Variants in INTS12 observed in about 807,000 individuals in gnomAD.
INTS12 encodes the protein integrator complex subunit 12.
A neutral mutation model predicts 41.6 loss-of-function variants in INTS12; 13 were observed. That is an observed-to-expected ratio of 0.31 (90% confidence interval 0.20 to 0.50). The LOEUF (loss-of-function observed/expected upper bound fraction) is 0.50, where lower values mean the gene tolerates loss of function less well. Among genes scored for constraint, INTS12 ranks in the 20% least tolerant of loss-of-function variants. The pLI, the probability that INTS12 is intolerant of heterozygous loss-of-function variation, is 0.98. For missense variants in INTS12, 432 were observed against 541.6 expected (o/e 0.80, Z 2.01); for synonymous variants, 199 against 191.4 (o/e 1.04, Z -0.33).
intron 6 of INTS12, 30 bp downstream of exon 6, chr4:105,691,946 G>A (rs776835823): frequency 1.8e-5 from 26 of 1,473,810 alleles, no homozygotes; most frequent in Admixed American, 2.4e-5. Context: ...TTGACAGACT[G>A]TTTAAAATAA....
chr4:105,702,942 C>T (rs890908543), intron 2 of INTS12: 10 of 984,838 alleles, frequency 1.0e-5, no homozygotes, highest in African/African-American at 1.7e-5. Flanking sequence ...CCTTCCTTAC[C>T]GGCAAATATC....
rs758621387 is a variant in INTS12, at chr4:105,683,034, G to A, written c.1088C>T (p.Pro363Leu). ...AGTTTTACCCAAGGTTAGAGGTGGA[G>A]GTGGTTTTAAAGGTACAGTGGGCGT... Reference protein sequence around the residue: ...STTPTVPLKPPPPLTLGKTGL... With the variant: ...STTPTVPLKPLPPLTLGKTGL... The change falls in exon 8 of 8, where the codon CCT becomes CTT. Residue 363 changes from proline (P) to leucine (L), a missense_variant. Transcript: ENST00000340139. 6 of 1,614,016 alleles carry A rather than the reference G, an allele frequency of 3.7e-6. No homozygotes were observed. Among genetic ancestry groups the A allele is most frequent in the Middle Eastern group, 3.3e-4 (2 of 6,084 alleles).
chr4:105,693,977 T>C (rs895471979), intron 4 of INTS12, among the ~76,000 whole-genome samples: 7 of 152,346 alleles, frequency 4.6e-5, no homozygotes, highest in South Asian at 2.1e-4. Context: ...CTACTTTTGA[T>C]AGAAATTTGG....
chr4:105,707,458 T>C (rs186659839), intron 1 of INTS12, among the ~76,000 whole-genome samples: 2 of 152,238 alleles, frequency 1.3e-5, no homozygotes, highest in Non-Finnish European at 2.9e-5. Context: ...ATTACTGGAA[T>C]TAAGTGATCA....
intron 4 of INTS12, 145 bp downstream of exon 4, chr4:105,695,371 G>T: frequency 1.8e-6 from 1 of 566,916 alleles, no homozygotes. Context: ...AAAATCTATA[G>T]CTATCAATAT....
At chr4:105,694,796 T>C (rs1731802237) in intron 4 of INTS12, among the ~76,000 whole-genome samples, 1 of 152,228 alleles carries the variant, frequency 6.6e-6, no homozygotes, top group Non-Finnish European at 1.5e-5. Flanking sequence ...AAAATCTTAA[T>C]TACTATATGT....
At chr4:105,703,393 T>A (rs1163262150) in intron 2 of INTS12, among the ~76,000 whole-genome samples, 1 of 152,206 alleles carries the variant, frequency 6.6e-6, no homozygotes, top group Non-Finnish European at 1.5e-5. Context: ...CTGTGTCAAA[T>A]GCATATAGCA....
intron 7 of INTS12, among the ~76,000 whole-genome samples, chr4:105,683,761 C>A (rs1731407995): frequency 6.6e-6 from 1 of 151,862 alleles, no homozygotes; most frequent in Admixed American, 6.6e-5. Context: ...CCAGAATATT[C>A]AGGAGAACAT....
rs369456312 is a variant in INTS12 at position 105,693,471 on chromosome 4, T to G, written c.325A>C (p.Thr109Pro). The change falls in exon 5 of 8, where the codon ACT (threonine) becomes CCT (proline). Residue 109 changes from threonine to proline, a missense_variant. This residue lies in a region of INTS12 where 168 missense variants were observed against 198.9 expected (regional missense o/e 0.84). Coordinates refer to ENST00000340139, the MANE Select transcript of INTS12 (RefSeq NM_020395.4). ...RPADKMKSDI[T>P]EGVDIPKKPR... is the part of the protein sequence containing the mutation. ...TTCTTTGGAATATCAACTCCTTCAG[T>G]GATGTCTGATTTCATCTATAAAAAG... 6.2e-7 allele frequency: 1 copy of G among 1,611,838 alleles called. No individual in the cohort carries two copies. The highest frequency in any genetic ancestry group is 8.5e-7 in the Non-Finnish European group (1 of 1,178,262).
At chr4:105,695,439 G>A (rs1026303600) in intron 4 of INTS12, 77 bp downstream of exon 4, 1 of 1,053,742 alleles carries the variant, frequency 9.5e-7, no homozygotes, top group East Asian at 2.4e-5. Flanking sequence ...AAAAGAAATA[G>A]GCATAAAACA....
At chr4:105,685,674 A>AT (rs1212562426) in intron 7 of INTS12, among the ~76,000 whole-genome samples, 1 of 151,240 alleles carries the variant, frequency 6.6e-6, no homozygotes, top group Non-Finnish European at 1.5e-5. Flanking sequence ...TTTTTTTAAT[A>AT]TTTTTTCTTC....
chr4:105,689,657 C>A (rs1731616672), intron 6 of INTS12, among the ~76,000 whole-genome samples: 1 of 152,112 alleles, frequency 6.6e-6, no homozygotes, highest in East Asian at 1.9e-4. Context: ...AATCCCAGCA[C>A]TTTGGGAGGC....
At chr4:105,695,415 A>G in intron 4 of INTS12, 101 bp downstream of exon 4, 1 of 795,668 alleles carries the variant, frequency 1.3e-6, no homozygotes, top group Admixed American at 2.8e-5. Flanking sequence ...ATATACCTAT[A>G]CCCATTATTA....
intron 3 of INTS12, among the ~76,000 whole-genome samples, 155 bp downstream of exon 3, chr4:105,699,695 A>G (rs930650819): frequency 1.3e-5 from 2 of 152,166 alleles, no homozygotes; most frequent in African/African-American, 2.4e-5. Context: ...TTCTCTGAAA[A>G]CTTGAAGGGA....
At position 105,692,096 on chromosome 4, in the gene INTS12, A is replaced by G; in HGVS notation, c.537T>C (p.Cys179=). ...MVASGNQLVE[C]QECHNLYHRD... is the part of the protein sequence containing the mutation. ...GGTGGTAGAGATTATGGCACTCCTG[A>G]CATTCTACTAATTGATTGCCAGATG... Residue 179 remains cysteine (C), a synonymous_variant, in exon 6 of 8, where the codon TGT becomes TGC. Coordinates refer to ENST00000340139, the MANE Select transcript of INTS12 (RefSeq NM_020395.4). The G allele has an allele frequency of 6.2e-7, 1 of 1,610,982 alleles. No homozygotes were observed. The highest frequency in any genetic ancestry group is 8.5e-7 in the Non-Finnish European group (1 of 1,178,750).
intron 3 of INTS12, among the ~76,000 whole-genome samples, chr4:105,699,268 C>T (rs1486106624): frequency 2.6e-5 from 4 of 152,146 alleles, no homozygotes; most frequent in East Asian, 1.9e-4. Flanking sequence ...CATCAAGATA[C>T]GTTGTCTATT....
At chr4:105,699,702 G>A (rs1731991773) in intron 3 of INTS12, 148 bp downstream of exon 3, 2 of 639,810 alleles carry the variant, frequency 3.1e-6, no homozygotes, top group African/African-American at 1.9e-5. Flanking sequence ...AAAACTTGAA[G>A]GGAAAAAAGA....
chr4:105,702,107 A>G (rs1392645828), intron 2 of INTS12, among the ~76,000 whole-genome samples: 1 of 150,788 alleles, frequency 6.6e-6, no homozygotes, highest in Non-Finnish European at 1.5e-5. Context: ...AAAAAATATT[A>G]ACTTTTTAAT....
intron 6 of INTS12, among the ~76,000 whole-genome samples, chr4:105,687,822 G>A (rs1187883607): frequency 2.6e-5 from 4 of 152,006 alleles, no homozygotes; most frequent in East Asian, 1.9e-4. Context: ...GCATGGTGGC[G>A]GGTGCCTGTA....
Sources: allele counts gnomAD v4.1 joint callset (sites outside exome capture counted in the v4.1 genomes callset), GRCh38; gene constraint gnomAD v4.1.1; regional missense constraint gnomAD v4.1.1; transcripts MANE v1.5; gene names NCBI Gene and HGNC (gene_info 2026-07-23, HGNC 2026-07-21).